The following ZNF34 variants were observed in gnomAD, a reference collection of about 807,000 sequenced individuals.
ZNF34 encodes the protein zinc finger protein 34 (KOX 32).
ZNF34 carries 8 observed loss-of-function variants against 14.4 expected under a neutral mutation model. That is an observed-to-expected ratio of 0.55 (90% CI 0.33 to 1.00). The LOEUF (loss-of-function observed/expected upper bound fraction) is 1.00. Among genes scored for constraint, ZNF34 ranks in the 50% least tolerant of loss-of-function variants. The pLI is 0.03. For synonymous variants in ZNF34, 235 were observed against 247.9 expected (o/e 0.95, Z 0.49); for missense variants, 538 against 674.2 (o/e 0.80, Z 2.24).
At chr8:144,782,306 G>A (rs1261661431) in intron 1 of ZNF34, among the ~76,000 whole-genome samples, 2 of 151,036 alleles carry the variant, frequency 1.3e-5, no homozygotes, top group African/African-American at 4.9e-5. Flanking sequence ...TGGCCACAGA[G>A]TGAGACTCCG....
Position 144,773,148 on chromosome 8 carries a change from A to T in ZNF34, c.*118T>A. The T allele has an allele frequency of 8.9e-7, 1 of 1,121,456 alleles. No homozygotes were observed. The highest frequency in any genetic ancestry group is 1.6e-5 in the African/African-American group (1 of 63,990). The allele number at this position is 1,121,456 out of a possible 1,614,324, so 69.5% of individuals were successfully genotyped here. On this transcript the variant is annotated 3_prime_UTR_variant, in exon 6 of 6. Coordinates refer to ENST00000429371, the MANE Select transcript of ZNF34 (RefSeq NM_001286769.2). The surrounding 1 kb of genome is among the most constrained non-coding windows in gnomAD (Gnocchi z 5.4). ...AAGAAAAGAGGTTTGTTTAATGAGA[A>T]ACGTCCTTTCACTCTGTGAAAACAT...
At chr8:144,786,213 C>T (rs1035733464) in intron 1 of ZNF34, among the ~76,000 whole-genome samples, 6 of 151,720 alleles carry the variant, frequency 4.0e-5, no homozygotes, top group Non-Finnish European at 5.9e-5. Flanking sequence ...GTCTCGATCT[C>T]CAGACCTAGT....
At chr8:144,778,390 G>A in intron 3 of ZNF34, 49 bp downstream of exon 3, 1 of 1,471,774 alleles carries the variant, frequency 6.8e-7, no homozygotes, top group Non-Finnish European at 9.1e-7. Context: ...GTTTGCCAAG[G>A]AAAGCCCTGG....
intron 1 of ZNF34, among the ~76,000 whole-genome samples, chr8:144,782,475 G>T (rs889587234): frequency 3.3e-5 from 5 of 151,960 alleles, no homozygotes; most frequent in African/African-American, 1.2e-4. Context: ...CTGGGCGACA[G>T]AGTGAGACTC....
In ZNF34 at chr8:144,774,220, T is replaced by C. The variant is rs376252135; in HGVS notation, c.666A>G (p.Lys222=). The C allele has an allele frequency of 1.5e-5, 24 of 1,611,744 alleles. No individual in the cohort carries two copies. The highest frequency in any genetic ancestry group is 1.9e-5 in the Non-Finnish European group (22 of 1,179,324). Residue 222 remains lysine (K), a synonymous_variant, in exon 6 of 6, where the codon AAA becomes AAG. Transcript: ENST00000429371. ...AATGCAATTTTTTCCCAGTAGGAAT[T>C]TTCTGATCTTCTTTAACAACTAAGT... ...SANLVVKEDQ[K]IPTGKKLHYC... is the part of the protein sequence containing the mutation.
chr8:144,778,960 G>A (rs1311822411), intron 2 of ZNF34, among the ~76,000 whole-genome samples: 1 of 152,228 alleles, frequency 6.6e-6, no homozygotes, highest in African/African-American at 2.4e-5. Flanking sequence ...ACACGTCCTG[G>A]GTCCAGGGTC....
At chr8:144,776,991 C>T (rs577942581) in intron 5 of ZNF34, among the ~76,000 whole-genome samples, 2 of 150,626 alleles carry the variant, frequency 1.3e-5, no homozygotes, top group East Asian at 3.9e-4. Flanking sequence ...CAGAAATATA[C>T]TACAACACAA....
intron 2 of ZNF34, among the ~76,000 whole-genome samples, 191 bp from the exon 3 acceptor site, chr8:144,778,716 C>T (rs1477968369): frequency 6.6e-6 from 1 of 151,922 alleles, no homozygotes; most frequent in Non-Finnish European, 1.5e-5. Context: ...TCTCCAGCTC[C>T]ACCTCTTTTT....
In ZNF34 at chr8:144,777,638, C is replaced by A. The variant is rs1211953450; in HGVS notation, c.161-61G>T. The A allele has an allele frequency of 2.6e-6, 4 of 1,534,490 alleles. No homozygotes were observed. The highest frequency in any genetic ancestry group is 3.5e-6 in the Non-Finnish European group (4 of 1,138,436). On this transcript the variant is annotated intron_variant, in intron 4 of 5. Transcript: ENST00000429371. This position sits in a 1 kb window ranked among gnomAD's most constrained non-coding sequence, Gnocchi z 4.8. ...GACACAGGGCAGCACCTAGTGCTGTCTCACCCTGGGGCTGCAGGGTAAGGG... is the reference window on the plus strand; with the variant it reads ...GACACAGGGCAGCACCTAGTGCTGTATCACCCTGGGGCTGCAGGGTAAGGG...
At chr8:144,786,849 G>A (rs1031572752) in intron 1 of ZNF34, among the ~76,000 whole-genome samples, 29 of 151,982 alleles carry the variant, frequency 1.9e-4, no homozygotes, top group Non-Finnish European at 3.4e-4. Context: ...ATTCGCAGAG[G>A]GCTGGGAGGA....
At chr8:144,781,658 C>G (rs1563791710) in intron 1 of ZNF34, among the ~76,000 whole-genome samples, 2 of 150,940 alleles carry the variant, frequency 1.3e-5, no homozygotes, top group Admixed American at 6.6e-5. Context: ...TGAACATTAC[C>G]AAAAAAAACA....
intron 5 of ZNF34, among the ~76,000 whole-genome samples, chr8:144,776,471 G>C (rs1280966293): frequency 6.6e-6 from 1 of 151,648 alleles, no homozygotes; most frequent in Non-Finnish European, 1.5e-5. Flanking sequence ...ATGGCGGCAG[G>C]CACCTGTAGT....
intron 1 of ZNF34, among the ~76,000 whole-genome samples, chr8:144,785,743 T>C (rs1245270923): frequency 6.6e-6 from 1 of 152,184 alleles, no homozygotes; most frequent in Admixed American, 6.5e-5. Flanking sequence ...ACTGAAACCC[T>C]GCAAAACTCT....
chr8:144,778,124 C>G lies in ZNF34; in HGVS notation c.74G>C (p.Arg25Pro). The change falls in exon 4 of 6, where the codon CGG becomes CCG. Residue 25 changes from arginine to proline, a missense_variant. Around this residue, in one of 3 missense-constraint regions of ZNF34, gnomAD observed 431 missense variants for 525.7 expected, o/e 0.82. Transcript: ENST00000429371. Reference protein sequence around the residue: ...TFEDVAVYLSREEWGRLGPAQ... With the variant: ...TFEDVAVYLSPEEWGRLGPAQ... ...AGGGCCCAGGCGGCCCCATTCCTCC[C>G]GGGAGAGGTACACAGCCACGTCCTC... is the stretch of plus-strand genomic sequence containing the variant. 6.2e-7 allele frequency: 1 copy of G among 1,613,876 alleles called. No individual in the cohort carries two copies. The highest frequency in any genetic ancestry group is 8.5e-7 in the Non-Finnish European group (1 of 1,179,882).
At position 144,773,792 on chromosome 8, in the gene ZNF34, G is replaced by C; in HGVS notation, c.1094C>G (p.Thr365Ser). ...SILIRHRRTH[T>S]GEKPFECKEC... The stretch of plus-strand genomic sequence containing the variant: ...CTTGCACTCAAATGGCTTCTCTCCG[G>C]TGTGAGTCCGACGATGTCGGATAAG... Residue 365 changes from threonine (T) to serine (S), a missense_variant, in exon 6 of 6, where the codon ACC (threonine) becomes AGC (serine). Thr to Ser is a moderately conservative substitution (Grantham distance 58). Around this residue, in one of 3 missense-constraint regions of ZNF34, gnomAD observed 431 missense variants for 525.7 expected, o/e 0.82. Transcript: ENST00000429371. This position sits in a 1 kb window ranked among gnomAD's most constrained non-coding sequence, Gnocchi z 5.4. 6.2e-7 allele frequency: 1 copy of C among 1,614,080 alleles called. No individual in the cohort carries two copies.
Position 144,777,994 on chromosome 8 carries a change from C to T in ZNF34, c.160+44G>A. 1.2e-6 allele frequency: 2 copies of T among 1,608,662 alleles called. No individual in the cohort carries two copies. The highest frequency in any genetic ancestry group is 8.5e-7 in the Non-Finnish European group (1 of 1,177,436). ...AGCCCAGCCTCTGCTGAGCCCTTAG[C>T]CCCCAGGGCTGTTCCCAGAGCTGAG... On this transcript the variant is annotated intron_variant, in intron 4 of 5. Coordinates refer to ENST00000429371, the MANE Select transcript of ZNF34 (RefSeq NM_001286769.2). This position sits in a 1 kb window ranked among gnomAD's most constrained non-coding sequence, Gnocchi z 4.8.
chr8:144,775,758 T>A (rs1825475333), intron 5 of ZNF34, among the ~76,000 whole-genome samples: 1 of 152,202 alleles, frequency 6.6e-6, no homozygotes, highest in South Asian at 2.1e-4. Context: ...GAAGGATGAT[T>A]TTTCATAAAA....
At position 144,773,417 on chromosome 8, in the gene ZNF34, G is replaced by A. The variant is rs1403610368; in HGVS notation, c.1469C>T (p.Ala490Val). 1 of 1,613,672 alleles carries A rather than the reference G, an allele frequency of 6.2e-7. No individual in the cohort carries two copies. Among genetic ancestry groups the A allele is most frequent in the South Asian group, 1.1e-5 (1 of 91,038 alleles). ...AATCAAGTACGTGCTCTGGCTGAAG[G>A]CTTTCTTGCAATCGCTGCATCTGTA... The part of the protein sequence containing the change: ...KPYRCSDCKK[A>V]FSQSTYLIQH... The change falls in exon 6 of 6, where the codon GCC (alanine) becomes GTC (valine). Residue 490 changes from alanine (A) to valine (V), a missense_variant. By Grantham distance (64) the Ala-to-Val change is moderately conservative. Coordinates refer to ENST00000429371, the MANE Select transcript of ZNF34 (RefSeq NM_001286769.2). This position sits in a 1 kb window ranked among gnomAD's most constrained non-coding sequence, Gnocchi z 5.4.
At chr8:144,786,049 A>ATCT (rs1826215905) in intron 1 of ZNF34, among the ~76,000 whole-genome samples, 1 of 125,304 alleles carries the variant, frequency 8.0e-6, no homozygotes, top group Non-Finnish European at 1.6e-5. Context: ...CAGTGGCGGG[A>ATCT]TCTTGGCTCA....
Sources: allele counts gnomAD v4.1 joint callset (sites outside exome capture counted in the v4.1 genomes callset), GRCh38; gene constraint gnomAD v4.1.1; regional missense constraint gnomAD v4.1.1; non-coding constraint Gnocchi (gnomAD v3.1); transcripts MANE v1.5; gene names NCBI Gene and HGNC (gene_info 2026-07-23, HGNC 2026-07-21).